LRRC52: variants seen among roughly 807,000 people sequenced by gnomAD.
The protein encoded by LRRC52 is leucine-rich repeat-containing protein 52.
A neutral mutation model predicts 14.7 loss-of-function variants in LRRC52; 15 were observed. The ratio of observed to expected loss-of-function variants is 1.02; its 90% CI spans 0.68 to 1.58. LRRC52 has a LOEUF of 1.58. LRRC52 is among the 40% of genes most tolerant of loss of function. The pLI is 0.00. For synonymous variants in LRRC52, 180 were observed against 163.9 expected (o/e 1.10, Z -0.75); for missense variants, 400 against 387.7 (o/e 1.03, Z -0.27).
At chr1:165,563,445 C>T in intron 1 of LRRC52, 60 bp from the exon 2 acceptor site, 1 of 1,488,136 alleles carries the variant, frequency 6.7e-7, no homozygotes, top group East Asian at 2.3e-5. Context: ...TCCCCTTTGG[C>T]CTTAGGACGC....
In LRRC52 at chr1:165,563,868, C is replaced by T; in HGVS notation, c.*44C>T. 1.3e-6 allele frequency: 2 copies of T among 1,572,978 alleles called. No individual in the cohort carries two copies. Among genetic ancestry groups the T allele is most frequent in the African/African-American group, 1.3e-5 (1 of 74,284 alleles). Reference sequence around the variant, plus strand: ...TTATGTGCCTCCCCCAGGCTCCCTGCTTTCTCTCTTGCCCTCCCCATCCCA... The same window carrying T: ...TTATGTGCCTCCCCCAGGCTCCCTGTTTTCTCTCTTGCCCTCCCCATCCCA... On this transcript the variant is annotated 3_prime_UTR_variant, in exon 2 of 2. Transcript: ENST00000294818.
At chr1:165,547,666 T>G (rs1489242214) in intron 1 of LRRC52, among the ~76,000 whole-genome samples, 3 of 152,286 alleles carry the variant, frequency 2.0e-5, no homozygotes, top group Admixed American at 1.3e-4. Flanking sequence ...CATATATACA[T>G]ATGTTCATAC....
rs1660978449 is a variant in LRRC52, at chr1:165,544,655, C to T, written c.359C>T (p.Thr120Ile). The part of the protein sequence containing the change: ...SNNLTSISPF[T>I]FSVLSNLVQL... Reference sequence around the variant, plus strand: ...AACCTAACCTCGATCTCCCCATTCACTTTCTCGGTGCTCAGCAACCTGGTG... The same window carrying T: ...AACCTAACCTCGATCTCCCCATTCATTTTCTCGGTGCTCAGCAACCTGGTG... The change falls in exon 1 of 2, where the codon ACT becomes ATT. Residue 120 changes from threonine to isoleucine, a missense_variant. Thr to Ile is a moderately conservative substitution (Grantham distance 89). Coordinates refer to ENST00000294818, the MANE Select transcript of LRRC52 (RefSeq NM_001005214.4). The T allele has an allele frequency of 1.2e-6, 2 of 1,614,114 alleles. No homozygotes were observed.
At chr1:165,549,973 G>GT (rs11431336) in intron 1 of LRRC52, among the ~76,000 whole-genome samples, 14,719 of 152,202 alleles carry the variant, frequency 0.097, 837 homozygotes, top group South Asian at 0.22. Context: ...AAACACGAAA[G>GT]TTACAGCAGA....
At chr1:165,557,523 C>T (rs1571111301) in intron 1 of LRRC52, among the ~76,000 whole-genome samples, 1 of 152,312 alleles carries the variant, frequency 6.6e-6, no homozygotes, top group Admixed American at 6.5e-5. Flanking sequence ...TCCTGATAGA[C>T]GTCAGTGAAC....
chr1:165,547,190 G>A (rs1661040579), intron 1 of LRRC52, among the ~76,000 whole-genome samples: 1 of 152,122 alleles, frequency 6.6e-6, no homozygotes, highest in African/African-American at 2.4e-5. Context: ...TAAATGGCAA[G>A]AAAGTGACTT....
intron 1 of LRRC52, among the ~76,000 whole-genome samples, chr1:165,559,241 T>C (rs879735175): frequency 7.9e-5 from 12 of 152,044 alleles, no homozygotes; most frequent in Non-Finnish European, 1.3e-4. Flanking sequence ...ATATAAAAAT[T>C]AGCTGGGCGT....
intron 1 of LRRC52, among the ~76,000 whole-genome samples, chr1:165,558,923 A>G (rs1661290801): frequency 6.6e-6 from 1 of 152,254 alleles, no homozygotes; most frequent in Non-Finnish European, 1.5e-5. Context: ...CAATGCAAAC[A>G]CTAACCAAAA....
chr1:165,544,229 C>CCCCCCCCCAGGG lies in LRRC52; in HGVS notation c.-68_-67insCCCCCCCCAGGG. 6.8e-7 allele frequency: 1 copy of CCCCCCCCCAGGG among 1,476,570 alleles called. No homozygotes were observed. Among genetic ancestry groups the CCCCCCCCCAGGG allele is most frequent in the Non-Finnish European group, 9.1e-7 (1 of 1,101,700 alleles). The allele number at this position is 1,476,570 out of a possible 1,614,324, so 91.5% of individuals were successfully genotyped here. A position where few individuals can be genotyped will look rare whatever the true frequency, so the allele number is the denominator to read the frequency against. ...CCCCTCCCCCGCCCCACCCCCCCAC[C>CCCCCCCCCAGGG]GGCAGCCTTCGGATCAGAGGACAGA... On this transcript the variant is annotated 5_prime_UTR_variant, in exon 1 of 2. Transcript: ENST00000294818.
intron 1 of LRRC52, among the ~76,000 whole-genome samples, chr1:165,556,248 G>A (rs1292838189): frequency 6.6e-6 from 1 of 152,204 alleles, no homozygotes; most frequent in Non-Finnish European, 1.5e-5. Context: ...TTATACACGA[G>A]ACCAGTTCTG....
At chr1:165,550,364 A>G in intron 1 of LRRC52, among the ~76,000 whole-genome samples, 1 of 152,340 alleles carries the variant, frequency 6.6e-6, no homozygotes. Flanking sequence ...AATAGTCTAT[A>G]TATATGGTGT....
At chr1:165,559,389 CA>C (rs897108089) in intron 1 of LRRC52, among the ~76,000 whole-genome samples, 99 of 141,320 alleles carry the variant, frequency 7.0e-4, no homozygotes, top group Middle Eastern at 3.6e-3. Flanking sequence ...AACTCTGTCT[CA>C]AAAAAAAAAA....
chr1:165,558,496 G>A (rs1440460782), intron 1 of LRRC52, among the ~76,000 whole-genome samples: 1 of 152,132 alleles, frequency 6.6e-6, no homozygotes, highest in Non-Finnish European at 1.5e-5. Flanking sequence ...CTACCCTGTG[G>A]GGTGATCAAA....
chr1:165,560,295 A>T (rs1195633771), intron 1 of LRRC52, among the ~76,000 whole-genome samples: 1 of 152,240 alleles, frequency 6.6e-6, no homozygotes, highest in African/African-American at 2.4e-5. Context: ...ATTTCAAAGG[A>T]TCAGAGTGTT....
chr1:165,551,560 CAG>C (rs1557964392), intron 1 of LRRC52, among the ~76,000 whole-genome samples: 1 of 152,112 alleles, frequency 6.6e-6, no homozygotes, highest in African/African-American at 2.4e-5. Flanking sequence ...GGTTTGAGGA[CAG>C]AGAGTCCCCT....
intron 1 of LRRC52, among the ~76,000 whole-genome samples, 161 bp downstream of exon 1, chr1:165,545,079 G>C (rs954542365): frequency 6.6e-6 from 1 of 152,142 alleles, no homozygotes; most frequent in Non-Finnish European, 1.5e-5. Context: ...TGGAGTAGCA[G>C]TAAGAAAAAG....
Position 165,544,779 on chromosome 1 carries a change from C to T in LRRC52, c.483C>T (p.Gly161=), listed in dbSNP as rs1328850556. The part of the protein sequence containing the change: ...SLRYLDLRNT[G]LQTLDSAALY... Reference sequence around the variant, plus strand: ...GGTACCTGGACCTCAGAAATACCGGCTTGCAGACCCTGGACAGTGCTGCCT... The same window carrying T: ...GGTACCTGGACCTCAGAAATACCGGTTTGCAGACCCTGGACAGTGCTGCCT... Residue 161 remains glycine (G), a synonymous_variant, in exon 1 of 2, where the codon GGC becomes GGT. Coordinates refer to ENST00000294818, the MANE Select transcript of LRRC52 (RefSeq NM_001005214.4). 1 of 1,614,104 alleles carries T rather than the reference C, an allele frequency of 6.2e-7. No individual in the cohort carries two copies. Among genetic ancestry groups the T allele is most frequent in the East Asian group, 2.2e-5 (1 of 44,868 alleles).
intron 1 of LRRC52, among the ~76,000 whole-genome samples, chr1:165,555,671 A>G (rs544012456): frequency 2.2e-4 from 34 of 152,360 alleles, no homozygotes; most frequent in African/African-American, 7.9e-4. Flanking sequence ...GCAATGGTCC[A>G]GGTAATTAGA....
Position 165,554,484 on chromosome 1 carries a change from C to T in LRRC52, c.623-9021C>T, listed in dbSNP as rs566020515. ...GAGGCAGACTCTTGCTGCTCTGTTG[C>T]CCAGGCTGGAGTGCAGTGGTGCAAT... On this transcript the variant is annotated intron_variant, in intron 1 of 1. Coordinates refer to ENST00000294818, the MANE Select transcript of LRRC52 (RefSeq NM_001005214.4). 3.3e-5 allele frequency among the ~76,000 whole-genome samples: 5 copies of T among 152,188 alleles called. No individual in the cohort carries two copies. In the South Asian group the frequency reaches 8.3e-4, roughly 25 times the overall value.
Sources: allele counts gnomAD v4.1 joint callset (sites outside exome capture counted in the v4.1 genomes callset), GRCh38; gene constraint gnomAD v4.1.1; transcripts MANE v1.5; gene names NCBI Gene and HGNC (gene_info 2026-07-23, HGNC 2026-07-21).